The following STK32B variants were observed in gnomAD, a reference collection of about 807,000 sequenced individuals.
The protein encoded by STK32B is serine/threonine-protein kinase 32B.
STK32B carries 43 observed loss-of-function variants against 52.6 expected under a neutral mutation model. The observed-to-expected ratio is 0.82, with a 90% CI of 0.64 to 1.05. The LOEUF (loss-of-function observed/expected upper bound fraction) is 1.05. STK32B is among the 50% of genes least tolerant of loss of function. The probability of loss-of-function intolerance (pLI) is 0.00; values close to 1 mark genes in which losing one functional copy is unlikely to be tolerated. For missense variants in STK32B, 621 were observed against 534.6 expected (o/e 1.16, Z -1.59); for synonymous variants, 238 against 204.3 (o/e 1.17, Z -1.41).
chr4:5,315,877 G>T (rs1346365926), intron 3 of STK32B, among the ~76,000 whole-genome samples: 1 of 150,564 alleles, frequency 6.6e-6, no homozygotes, highest in Non-Finnish European at 1.5e-5. Flanking sequence ...GCTAATTTTT[G>T]TATTTTTAGT....
Position 5,159,782 on chromosome 4 carries a change from T to TA in STK32B, c.109-8517_109-8516insA, listed in dbSNP as rs1424206089. 2.7e-3 allele frequency among the ~76,000 whole-genome samples: 383 copies of TA among 144,110 alleles called. 48 individuals carry two copies. The East Asian group carries it at 0.029, about 11-fold the overall frequency. 94.5% of individuals were successfully genotyped at this position (144,110 alleles called of 152,430 possible). A position where few individuals can be genotyped will look rare whatever the true frequency, so the allele number is the denominator to read the frequency against. The stretch of plus-strand genomic sequence containing the variant: ...GAATATATATATGAATATATGAATG[T>TA]TTATGAATATATATATGAATATATA... On this transcript the variant is annotated intron_variant, in intron 2 of 11. Transcript: ENST00000282908.
chr4:5,248,105 A>G (rs9990822), intron 3 of STK32B, among the ~76,000 whole-genome samples: 11,138 of 152,184 alleles, frequency 0.073, 595 homozygotes, highest in African/African-American at 0.15. Flanking sequence ...GGGTGTTTTC[A>G]GGATATGCAA....
chr4:5,412,387 C>T (rs1711768130), intron 5 of STK32B, among the ~76,000 whole-genome samples: 1 of 152,194 alleles, frequency 6.6e-6, no homozygotes, highest in South Asian at 2.1e-4. Context: ...TGGGAAGTCA[C>T]AGCTCATCAG....
intron 3 of STK32B, among the ~76,000 whole-genome samples, chr4:5,308,024 A>T (rs1308986726): frequency 1.3e-5 from 2 of 152,062 alleles, no homozygotes; most frequent in African/African-American, 4.8e-5. Context: ...ACTCCAGTGG[A>T]GGTAGCAGGG....
At chr4:5,115,210 G>A (rs1479534686) in intron 1 of STK32B, among the ~76,000 whole-genome samples, 2 of 152,108 alleles carry the variant, frequency 1.3e-5, no homozygotes, top group African/African-American at 4.8e-5. Context: ...TCTCTAGATG[G>A]GAGGAACTCA....
chr4:5,086,468 A>T (rs1332750348), intron 1 of STK32B, among the ~76,000 whole-genome samples: 2 of 152,228 alleles, frequency 1.3e-5, no homozygotes, highest in Admixed American at 1.3e-4. Flanking sequence ...TTAGAGACAC[A>T]TGAGGTGCCA....
intron 4 of STK32B, among the ~76,000 whole-genome samples, chr4:5,376,084 G>A (rs1042034775): frequency 2.0e-5 from 3 of 152,116 alleles, no homozygotes; most frequent in Admixed American, 6.5e-5. Flanking sequence ...ATCTTCAGTG[G>A]TCCCCTCCCC....
At chr4:5,168,558 A>C (rs1489414942) in intron 3 of STK32B, 108 bp downstream of exon 3, 15 of 1,293,366 alleles carry the variant, frequency 1.2e-5, no homozygotes, top group Non-Finnish European at 1.6e-5. Context: ...AAAGGGATGC[A>C]ATTTTCTGGG....
intron 3 of STK32B, among the ~76,000 whole-genome samples, chr4:5,185,275 G>A (rs568072894): frequency 1.4e-4 from 21 of 152,252 alleles, no homozygotes; most frequent in African/African-American, 3.6e-4. Context: ...CTAAACAACC[G>A]AGAGAATGAA....
intron 3 of STK32B, among the ~76,000 whole-genome samples, chr4:5,190,006 T>C (rs749024824): frequency 2.6e-5 from 4 of 152,200 alleles, no homozygotes; most frequent in Non-Finnish European, 5.9e-5. Context: ...AATGTCCTTG[T>C]CTTCCCCACA....
In STK32B at chr4:5,262,402, G is replaced by A. The variant is rs35216077; in HGVS notation, c.261-68818G>A. On this transcript the variant is annotated intron_variant, in intron 3 of 11. Coordinates refer to ENST00000282908, the MANE Select transcript of STK32B (RefSeq NM_018401.3). The stretch of plus-strand genomic sequence containing the variant: ...AGCACTTTGGGAGGCCGAGGCAGGC[G>A]GATCACAAGGTCAGGAGATCAAGAC... Among the ~76,000 whole-genome samples, 940 of 152,006 alleles carry A rather than the reference G, an allele frequency of 6.2e-3. 3 individuals are homozygous for A. Among genetic ancestry groups the A allele is most frequent in the Non-Finnish European group, 0.011 (725 of 67,990 alleles).
intron 3 of STK32B, among the ~76,000 whole-genome samples, chr4:5,321,270 TAAAA>T (rs374276151): frequency 1.3e-5 from 2 of 151,360 alleles, no homozygotes; most frequent in African/African-American, 4.8e-5. Flanking sequence ...TCAATGGTAT[TAAAA>T]AAAAAGCACT....
intron 2 of STK32B, among the ~76,000 whole-genome samples, chr4:5,167,890 G>T (rs1259285361): frequency 6.6e-6 from 1 of 152,234 alleles, no homozygotes; most frequent in Non-Finnish European, 1.5e-5. Flanking sequence ...AGTGGGAAAG[G>T]TGAGGAGATT....
chr4:5,493,639 C>T (rs1001693715), intron 11 of STK32B, among the ~76,000 whole-genome samples: 2 of 152,050 alleles, frequency 1.3e-5, no homozygotes, highest in African/African-American at 2.4e-5. Context: ...TGTGTTTGCT[C>T]TTGCTTCTCT....
chr4:5,032,165 C>T, the STK32B span, among the ~76,000 whole-genome samples: 1 of 148,732 alleles, frequency 6.7e-6, no homozygotes, highest in Admixed American at 6.7e-5. Flanking sequence ...CTCCTGAGCT[C>T]CTAGAAAGAA....
intron 1 of STK32B, among the ~76,000 whole-genome samples, chr4:5,096,337 C>T (rs1255567891): frequency 6.6e-6 from 1 of 152,204 alleles, no homozygotes; most frequent in African/African-American, 2.4e-5. Flanking sequence ...ATTCTCTCCT[C>T]TCCTGGCATG....
chr4:5,051,869 C>T lies in STK32B; in HGVS notation c.6C>T (p.Gly2=). Residue 2 remains glycine (G), a synonymous_variant, in exon 1 of 12, where the codon GGC becomes GGT. Coordinates refer to ENST00000282908, the MANE Select transcript of STK32B (RefSeq NM_018401.3). ...AGCGGCAGCAACGGCGGAATATGGG[C>T]GGGAACCACTCCCACAAGCCCCCCG... M[G]GNHSHKPPVF... 1 of 1,598,616 alleles carries T rather than the reference C, an allele frequency of 6.3e-7. No individual in the cohort carries two copies. The highest frequency in any genetic ancestry group is 8.5e-7 in the Non-Finnish European group (1 of 1,173,286).
At chr4:5,410,859 C>T (rs1397623236) in intron 5 of STK32B, among the ~76,000 whole-genome samples, 4 of 152,112 alleles carry the variant, frequency 2.6e-5, no homozygotes, top group Non-Finnish European at 5.9e-5. Context: ...GTTCTGGGGG[C>T]TTGGAAGTCC....
rs34295862 is a variant in STK32B at position 5,469,050 on chromosome 4, CAA to C, written c.1106+996_1106+997del. Among the ~76,000 whole-genome samples the C allele has an allele frequency of 4.7e-5, 6 of 127,048 alleles. No individual in the cohort carries two copies. Among genetic ancestry groups the C allele is most frequent in the African/African-American group, 2.9e-5 (1 of 33,934 alleles). The allele number at this position is 127,048 out of a possible 152,430, so 83.3% of individuals were successfully genotyped here. ...TGGGCGACAGAGCAAGACTCCGTCT[CAA>C]AAAAAAAAAAAAAAATTATCTAGGG... is the stretch of plus-strand genomic sequence containing the variant. On this transcript the variant is annotated intron_variant, in intron 11 of 11. Coordinates refer to ENST00000282908, the MANE Select transcript of STK32B (RefSeq NM_018401.3). The surrounding 1 kb of genome is among the most constrained non-coding windows in gnomAD (Gnocchi z 4.7).
Sources: allele counts gnomAD v4.1 joint callset (sites outside exome capture counted in the v4.1 genomes callset), GRCh38; gene constraint gnomAD v4.1.1; non-coding constraint Gnocchi (gnomAD v3.1); transcripts MANE v1.5; gene names NCBI Gene and HGNC (gene_info 2026-07-23, HGNC 2026-07-21).